Variants in COL25A1 observed in about 807,000 individuals in gnomAD.
COL25A1 encodes collagen type XXV alpha 1 chain, also known as collagen alpha-1(XXV) chain.
Under a neutral mutation model 128.4 loss-of-function variants are expected in COL25A1, and 103 were observed. The observed-to-expected ratio is 0.80, with a 90% CI of 0.68 to 0.94. COL25A1 has a LOEUF of 0.94. COL25A1 is among the 40% of genes least tolerant of loss of function. The pLI is 0.00. For synonymous variants in COL25A1, 279 were observed against 277.2 expected, an observed-to-expected ratio of 1.01 and a Z score of -0.06; for missense variants, 745 against 840.0, an observed-to-expected ratio of 0.89 and a Z score of 1.40.
intron 3 of COL25A1, among the ~76,000 whole-genome samples, chr4:109,070,128 T>C (rs1308046686): frequency 6.6e-6 from 1 of 151,776 alleles, no homozygotes; most frequent in African/African-American, 2.4e-5. Context: ...GCATGGGGTG[T>C]ATGCCTCTAG....
At chr4:108,846,381 T>G (rs560545196) in intron 27 of COL25A1, among the ~76,000 whole-genome samples, 162 bp from the exon 28 acceptor site, 1 of 152,312 alleles carries the variant, frequency 6.6e-6, no homozygotes, top group South Asian at 2.1e-4. Flanking sequence ...ACAGCAACCT[T>G]CTACATGCAA....
chr4:109,215,640 A>G (rs1367348132), intron 3 of COL25A1, among the ~76,000 whole-genome samples: 1 of 152,148 alleles, frequency 6.6e-6, no homozygotes, highest in Non-Finnish European at 1.5e-5. Flanking sequence ...ACTCCTCCCC[A>G]TATACCAATC....
chr4:109,101,488 GC>G (rs1246549949), intron 3 of COL25A1, among the ~76,000 whole-genome samples: 2 of 152,180 alleles, frequency 1.3e-5, no homozygotes, highest in Non-Finnish European at 2.9e-5. Flanking sequence ...ATTTGGGAGA[GC>G]GGGGGATAGT....
At chr4:109,282,625 G>T (rs776549794) in intron 3 of COL25A1, among the ~76,000 whole-genome samples, 6 of 152,128 alleles carry the variant, frequency 3.9e-5, no homozygotes, top group Non-Finnish European at 8.8e-5. Context: ...TTTATACTAT[G>T]GTTATATCAC....
chr4:108,898,838 T>C (rs1742455713), intron 15 of COL25A1, among the ~76,000 whole-genome samples: 1 of 152,150 alleles, frequency 6.6e-6, no homozygotes, highest in African/African-American at 2.4e-5. Context: ...CATTATTAAA[T>C]ATTTGTTCTG....
At chr4:108,869,607 A>T (rs1383038974) in intron 19 of COL25A1, among the ~76,000 whole-genome samples, 1 of 152,228 alleles carries the variant, frequency 6.6e-6, no homozygotes, top group East Asian at 1.9e-4. Flanking sequence ...GTGTCAGAGA[A>T]TCAGAGAGGT....
intron 3 of COL25A1, among the ~76,000 whole-genome samples, chr4:109,071,846 G>A (rs990062242): frequency 1.3e-5 from 2 of 152,170 alleles, no homozygotes; most frequent in Non-Finnish European, 2.9e-5. Context: ...TTACACTGTT[G>A]GTGGGACTGT....
At chr4:109,114,036 A>G (rs886695786) in intron 3 of COL25A1, among the ~76,000 whole-genome samples, 1 of 152,098 alleles carries the variant, frequency 6.6e-6, no homozygotes, top group Non-Finnish European at 1.5e-5. Flanking sequence ...GCCAATGTCC[A>G]TTATCATCAA....
chr4:108,939,015 A>G (rs1747772060), intron 10 of COL25A1, among the ~76,000 whole-genome samples: 1 of 152,236 alleles, frequency 6.6e-6, no homozygotes, highest in African/African-American at 2.4e-5. Flanking sequence ...AACTATATTC[A>G]TTTAAAGAAT....
At chr4:109,293,438 C>T (rs1266669302) in intron 3 of COL25A1, among the ~76,000 whole-genome samples, 1 of 152,052 alleles carries the variant, frequency 6.6e-6, no homozygotes, top group Admixed American at 6.5e-5. Context: ...TGACCAGCTA[C>T]TTTTAGTTAG....
intron 23 of COL25A1, 43 bp downstream of exon 23, chr4:108,860,884 A>G: frequency 1.3e-6 from 2 of 1,567,492 alleles, no homozygotes; most frequent in Non-Finnish European, 1.8e-6. Flanking sequence ...CAAATCTGGG[A>G]TTGTAGGGAG....
At chr4:109,117,431 A>G (rs1439178401) in intron 3 of COL25A1, among the ~76,000 whole-genome samples, 1 of 152,002 alleles carries the variant, frequency 6.6e-6, no homozygotes, top group African/African-American at 2.4e-5. Context: ...TCATAAATAA[A>G]GAAGAATCAA....
At chr4:109,252,593 GTC>G (rs1780736523) in intron 3 of COL25A1, among the ~76,000 whole-genome samples, 1 of 152,140 alleles carries the variant, frequency 6.6e-6, no homozygotes, top group Admixed American at 6.5e-5. Context: ...ATTCAGGTGG[GTC>G]TATCCATATA....
intron 3 of COL25A1, among the ~76,000 whole-genome samples, chr4:109,063,334 C>G (rs946199142): frequency 6.6e-6 from 1 of 152,028 alleles, no homozygotes; most frequent in South Asian, 2.1e-4. Flanking sequence ...AAAACCCCGT[C>G]TCTACTAAAA....
intron 3 of COL25A1, among the ~76,000 whole-genome samples, chr4:109,104,401 ACTCTCT>A (rs112054758): frequency 2.0e-5 from 3 of 149,976 alleles, no homozygotes; most frequent in Non-Finnish European, 4.5e-5. Context: ...AAAGGAAATC[ACTCTCT>A]CTCTCTCTCT....
intron 5 of COL25A1, chr4:109,022,130 A>G (rs1391916129): frequency 4.4e-5 from 20 of 451,414 alleles, no homozygotes; most frequent in Non-Finnish European, 8.0e-5. Context: ...CCTAATAAAA[A>G]CTTGCTGGTT....
intron 3 of COL25A1, among the ~76,000 whole-genome samples, chr4:109,179,317 C>G (rs180964570): frequency 6.6e-6 from 1 of 152,222 alleles, no homozygotes; most frequent in African/African-American, 2.4e-5. Flanking sequence ...CCTGACACAA[C>G]AGCTGTTTGG....
chr4:109,246,757 A>C (rs1780294074), intron 3 of COL25A1, among the ~76,000 whole-genome samples: 1 of 151,850 alleles, frequency 6.6e-6, no homozygotes, highest in Non-Finnish European at 1.5e-5. Flanking sequence ...TAATTTATTT[A>C]TCTACTTTAT....
intron 3 of COL25A1, among the ~76,000 whole-genome samples, chr4:109,158,874 T>C (rs527827605): frequency 1.3e-5 from 2 of 152,374 alleles, no homozygotes; most frequent in South Asian, 4.1e-4. Flanking sequence ...CTTGCTCTCA[T>C]TTAAGCATCC....
Sources: allele counts gnomAD v4.1 joint callset (sites outside exome capture counted in the v4.1 genomes callset), GRCh38; gene constraint gnomAD v4.1.1; transcripts MANE v1.5; gene names NCBI Gene and HGNC (gene_info 2026-07-23, HGNC 2026-07-21).